The following ALDH3A2 variants were observed in gnomAD, a reference collection of about 807,000 sequenced individuals.
ALDH3A2 encodes the protein aldehyde dehydrogenase family 3 member A2.
A neutral mutation model predicts 51.3 loss-of-function variants in ALDH3A2; 36 were observed. That is an observed-to-expected ratio of 0.70 (90% CI 0.54 to 0.93). The LOEUF is 0.93. Ranked by LOEUF, ALDH3A2 falls within the 40% of genes least tolerant of loss-of-function variation. The probability of loss-of-function intolerance (pLI) is 0.00; values close to 1 mark genes in which losing one functional copy is unlikely to be tolerated. For synonymous variants in ALDH3A2, 199 were observed against 219.8 expected (o/e 0.91, Z 0.84); for missense variants, 552 against 603.1 (o/e 0.92, Z 0.89).
At chr17:19,659,252 AT>A (rs2084936786) in intron 5 of ALDH3A2, among the ~76,000 whole-genome samples, 11 of 151,048 alleles carry the variant, frequency 7.3e-5, no homozygotes, top group Admixed American at 7.3e-4. Context: ...AGATATGAAA[AT>A]TGTCGCCGTT....
intron 8 of ALDH3A2, among the ~76,000 whole-genome samples, chr17:19,670,448 T>C (rs2085096897): frequency 6.6e-6 from 1 of 152,144 alleles, no homozygotes; most frequent in Non-Finnish European, 1.5e-5. Flanking sequence ...GGCACAATCA[T>C]AGCTCACTGC....
intron 9 of ALDH3A2, chr17:19,675,251 T>A (rs1404381886): frequency 2.8e-6 from 1 of 355,672 alleles, no homozygotes; most frequent in Non-Finnish European, 5.1e-6. Context: ...GGATAATAAG[T>A]TAGTACTCTC....
In ALDH3A2 at chr17:19,669,142, C is replaced by CA. The variant is rs1002602248; in HGVS notation, c.1208-2568dup. On this transcript the variant is annotated intron_variant, in intron 8 of 9. Coordinates refer to ENST00000176643, the MANE Select transcript of ALDH3A2 (RefSeq NM_000382.3). ...TGAAAACTCATCTCCACAAAAAATA[C>CA]AAAAAAAAAAATTAGCTGGGCATTG... is the stretch of plus-strand genomic sequence containing the variant. Among the ~76,000 whole-genome samples, 202 of 142,176 alleles carry CA rather than the reference C, an allele frequency of 1.4e-3. 1 individual carries two copies. Among genetic ancestry groups the CA allele is most frequent in the Non-Finnish European group, 2.1e-3 (133 of 64,544 alleles). 93.3% of individuals were successfully genotyped at this position (142,176 alleles called of 152,430 possible).
chr17:19,651,518 C>G, intron 1 of ALDH3A2, 29 bp from the exon 2 acceptor site: 1 of 1,565,266 alleles, frequency 6.4e-7, no homozygotes, highest in Non-Finnish European at 8.8e-7. Flanking sequence ...ACTTACTCTG[C>G]AAGATTAACT....
chr17:19,666,435 C>G (rs899994099), intron 8 of ALDH3A2, among the ~76,000 whole-genome samples: 1 of 152,116 alleles, frequency 6.6e-6, no homozygotes, highest in Non-Finnish European at 1.5e-5. Flanking sequence ...AGTCCCTGTC[C>G]TACTTGACAA....
In ALDH3A2 at chr17:19,649,121, CAA is replaced by C. The variant is rs1057517403; in HGVS notation, c.151_152del (p.Lys51GlufsTer2). 2 of 1,570,058 alleles carry C rather than the reference CAA, an allele frequency of 1.3e-6. No individual in the cohort carries two copies. Among genetic ancestry groups the C allele is most frequent in the Non-Finnish European group, 1.7e-6 (2 of 1,157,446 alleles). On this transcript the variant is annotated frameshift_variant and splice_region_variant, in exon 1 of 10. Transcript: ENST00000176643. LOFTEE classifies it high-confidence loss of function. ...ILTAIAADLC[K>X]SEFNVYSQEV... Reference sequence around the variant, plus strand: ...TGACGGCCATCGCCGCCGACCTGTGCAAGGTACGCACGCGTGCGGCGGGGTGT... The same window carrying C: ...TGACGGCCATCGCCGCCGACCTGTGCGGTACGCACGCGTGCGGCGGGGTGT...
chr17:19,673,643 G>A (rs1370595962), intron 9 of ALDH3A2, among the ~76,000 whole-genome samples: 1 of 152,024 alleles, frequency 6.6e-6, no homozygotes, highest in Non-Finnish European at 1.5e-5. Flanking sequence ...GCTTTAACCC[G>A]GGAGGCAGAG....
At chr17:19,675,482 G>A in intron 9 of ALDH3A2, 76 bp from the exon 10 acceptor site, 1 of 1,460,262 alleles carries the variant, frequency 6.8e-7, no homozygotes, top group Non-Finnish European at 9.6e-7. Context: ...CCAGTGCTGA[G>A]CTTGTGTTGC....
chr17:19,661,396 C>A, intron 6 of ALDH3A2, 128 bp downstream of exon 6: 1 of 1,081,752 alleles, frequency 9.2e-7, no homozygotes, highest in Non-Finnish European at 1.4e-6. Flanking sequence ...ATCCTGCTTT[C>A]TGGTATACTG....
At chr17:19,660,035 T>C (rs2084947356) in intron 5 of ALDH3A2, among the ~76,000 whole-genome samples, 1 of 151,524 alleles carries the variant, frequency 6.6e-6, no homozygotes, top group South Asian at 2.1e-4. Context: ...AGATTCAGGG[T>C]ATGTGGGAAG....
At chr17:19,661,383 TAA>T in intron 6 of ALDH3A2, 115 bp downstream of exon 6, 1 of 1,231,452 alleles carries the variant, frequency 8.1e-7, no homozygotes, top group Non-Finnish European at 1.2e-6. Context: ...GTTAAAGTAC[TAA>T]ATCCTGCTTT....
In ALDH3A2 at chr17:19,676,830, A is replaced by G. The variant is rs184562930; in HGVS notation, c.*1258A>G. 1 of 152,202 alleles carries G rather than the reference A, an allele frequency of 6.6e-6. No individual in the cohort carries two copies. The highest frequency in any genetic ancestry group is 1.5e-5 in the Non-Finnish European group (1 of 68,054). The allele number at this position is 152,202 out of a possible 1,614,324, so 9.4% of individuals were successfully genotyped here. The stretch of plus-strand genomic sequence containing the variant: ...AGAGAGATCCCTTTCTGATTAGCCT[A>G]CAGAACTTAAAGTGAGGGAACCATT... On this transcript the variant is annotated 3_prime_UTR_variant, in exon 10 of 10. Coordinates refer to ENST00000176643, the MANE Select transcript of ALDH3A2 (RefSeq NM_000382.3).
chr17:19,661,166 G>A lies in ALDH3A2; in HGVS notation c.838G>A (p.Glu280Lys). 1 of 1,612,916 alleles carries A rather than the reference G, an allele frequency of 6.2e-7. No homozygotes were observed. Among genetic ancestry groups the A allele is most frequent in the Non-Finnish European group, 8.5e-7 (1 of 1,178,906 alleles). Residue 280 changes from glutamate (E) to lysine (K), a missense_variant, in exon 6 of 10, where the codon GAA (glutamate) becomes AAA (lysine). Coordinates refer to ENST00000176643, the MANE Select transcript of ALDH3A2 (RefSeq NM_000382.3). ...AAATATAAAAGAGTCTCCTGATTAT[G>A]AAAGGATCATCAATCTTCGTCATTT... ...GENIKESPDYERIINLRHFKR... is the reference protein window; with the variant it reads ...GENIKESPDYKRIINLRHFKR...
intron 7 of ALDH3A2, 59 bp from the exon 8 acceptor site, chr17:19,664,889 C>A: frequency 8.6e-7 from 1 of 1,160,900 alleles, no homozygotes; most frequent in Non-Finnish European, 1.3e-6. Context: ...TGTGGTGGGG[C>A]CATGAGTGTT....
At chr17:19,661,521 A>T (rs2084966460) in intron 6 of ALDH3A2, 1 of 457,696 alleles carries the variant, frequency 2.2e-6, no homozygotes, top group Non-Finnish European at 3.9e-6. Flanking sequence ...TTTTCCTCCT[A>T]ACAATCCTGA....
At chr17:19,650,241 G>A (rs1354623526) in intron 1 of ALDH3A2, among the ~76,000 whole-genome samples, 1 of 151,610 alleles carries the variant, frequency 6.6e-6, no homozygotes, top group Non-Finnish European at 1.5e-5. Context: ...TAGTGTTTTA[G>A]GGTGTAAGTA....
chr17:19,663,224 G>T, intron 6 of ALDH3A2, 109 bp from the exon 7 acceptor site: 1 of 1,266,866 alleles, frequency 7.9e-7, no homozygotes, highest in Non-Finnish European at 1.1e-6. Flanking sequence ...GATATGACTT[G>T]GGTGGGAGAG....
intron 1 of ALDH3A2, among the ~76,000 whole-genome samples, chr17:19,650,699 C>T (rs545848175): frequency 5.9e-5 from 9 of 151,594 alleles, no homozygotes; most frequent in South Asian, 2.1e-4. Context: ...GTGATCCGCC[C>T]GCCTCAGCCT....
chr17:19,665,139 T>G, intron 8 of ALDH3A2, 92 bp downstream of exon 8: 1 of 1,136,920 alleles, frequency 8.8e-7, no homozygotes, highest in Non-Finnish European at 1.3e-6. Flanking sequence ...TAGCCAGCTG[T>G]TGCGTACCCT....
Sources: allele counts gnomAD v4.1 joint callset (sites outside exome capture counted in the v4.1 genomes callset), GRCh38; gene constraint gnomAD v4.1.1; transcripts MANE v1.5; gene names NCBI Gene and HGNC (gene_info 2026-07-23, HGNC 2026-07-21).